The following PANK1 variants were observed in gnomAD, a reference collection of about 807,000 sequenced individuals.
The protein encoded by PANK1 is pantothenate kinase 1, also known as pantothenic acid kinase 1.
A neutral mutation model predicts 40.1 loss-of-function variants in PANK1; 18 were observed. That is an observed-to-expected ratio of 0.45 (90% confidence interval 0.31 to 0.67). The LOEUF (loss-of-function observed/expected upper bound fraction) is 0.67. Among genes scored for constraint, PANK1 ranks in the 30% least tolerant of loss-of-function variants. The pLI is 0.06. For missense variants in PANK1, 457 were observed against 599.6 expected (o/e 0.76, Z 2.48); for synonymous variants, 242 against 237.7 (o/e 1.02, Z -0.17).
At position 89,645,215 on chromosome 10, in the gene PANK1, C is replaced by G; in HGVS notation, c.-324G>C. The G allele has an allele frequency of 6.3e-7, 1 of 1,599,202 alleles. No homozygotes were observed. ...CCCTGATCCCCAGGCCGCGCGACTT[C>G]AAACGCGGCTTCCTCGCCTCCCAGA... On this transcript the variant is annotated 5_prime_UTR_variant, in exon 1 of 7. Coordinates refer to ENST00000307534, the MANE Select transcript of PANK1 (RefSeq NM_148977.3).
At chr10:89,636,474 T>C (rs956479159) in intron 1 of PANK1, among the ~76,000 whole-genome samples, 1 of 151,892 alleles carries the variant, frequency 6.6e-6, no homozygotes, top group Non-Finnish European at 1.5e-5. Flanking sequence ...TTTTTTGAGA[T>C]GGAGTCTTAC....
intron 1 of PANK1, among the ~76,000 whole-genome samples, chr10:89,621,822 T>G (rs1335430871): frequency 6.6e-6 from 1 of 152,246 alleles, no homozygotes; most frequent in East Asian, 1.9e-4. Context: ...CAAGCAATTC[T>G]CCTGTCTCAG....
At chr10:89,644,167 C>A (rs960159391) in intron 1 of PANK1, among the ~76,000 whole-genome samples, 4 of 152,060 alleles carry the variant, frequency 2.6e-5, no homozygotes. Flanking sequence ...GGGCAGGCAA[C>A]CCCAGTAGGA....
intron 2 of PANK1, among the ~76,000 whole-genome samples, chr10:89,606,016 T>C (rs1320395235): frequency 1.3e-5 from 2 of 152,226 alleles, no homozygotes; most frequent in Non-Finnish European, 2.9e-5. Context: ...AGTAAAACTT[T>C]GAAAAGATTT....
chr10:89,605,270 C>T (rs541114193), intron 2 of PANK1, among the ~76,000 whole-genome samples: 23 of 152,160 alleles, frequency 1.5e-4, no homozygotes, highest in Middle Eastern at 3.4e-3. Flanking sequence ...TGAAGTTTGC[C>T]GCATTGGTTG....
In PANK1 at chr10:89,589,614, T is replaced by C. The variant is rs114837655; in HGVS notation, c.1201-837A>G. Among the ~76,000 whole-genome samples, 655 of 152,270 alleles carry C rather than the reference T, an allele frequency of 4.3e-3. 2 individuals carry two copies. Among genetic ancestry groups the C allele is most frequent in the African/African-American group, 0.014 (596 of 41,536 alleles). Reference sequence around the variant, plus strand: ...AAGGCAAGAGAGTCTTTGAAGCTGGTATTATTTTCTGCTTAGTCTATCAAG... The same window carrying C: ...AAGGCAAGAGAGTCTTTGAAGCTGGCATTATTTTCTGCTTAGTCTATCAAG... On this transcript the variant is annotated intron_variant, in intron 5 of 6. Transcript: ENST00000307534.
intron 1 of PANK1, among the ~76,000 whole-genome samples, chr10:89,620,528 C>T (rs531056848): frequency 1.3e-5 from 2 of 152,216 alleles, no homozygotes; most frequent in Non-Finnish European, 2.9e-5. Context: ...CTAGTCAGAC[C>T]TGTTGTCTGC....
intron 3 of PANK1, among the ~76,000 whole-genome samples, chr10:89,596,248 T>G (rs945750223): frequency 2.6e-4 from 40 of 152,198 alleles, no homozygotes; most frequent in African/African-American, 8.0e-4. Flanking sequence ...TTCTAGCTTC[T>G]AAATATCTGT....
chr10:89,628,809 T>C (rs1040100147), intron 1 of PANK1, among the ~76,000 whole-genome samples: 3 of 152,234 alleles, frequency 2.0e-5, no homozygotes, highest in Non-Finnish European at 4.4e-5. Flanking sequence ...TGAATGAAAT[T>C]TGAGGTCTTC....
intron 1 of PANK1, among the ~76,000 whole-genome samples, chr10:89,619,851 C>T (rs1188157201): frequency 6.6e-6 from 1 of 152,188 alleles, no homozygotes; most frequent in Non-Finnish European, 1.5e-5. Context: ...AGAAAAAAAG[C>T]TTTAAACACT....
At position 89,642,506 on chromosome 10, in the gene PANK1, TG is replaced by T. The variant is rs1841998191; in HGVS notation, c.292+2093del. Among the ~76,000 whole-genome samples, 5 of 152,350 alleles carry T rather than the reference TG, an allele frequency of 3.3e-5. No individual in the cohort carries two copies. The South Asian group carries it at 1.0e-3, about 32-fold the overall frequency. Reference sequence around the variant, plus strand: ...GCGTTTAAAGCACACAACTACTCTTTGCAAAAATCGTTCCTGTAAAATCTGT... The same window carrying T: ...GCGTTTAAAGCACACAACTACTCTTTCAAAAATCGTTCCTGTAAAATCTGT... On this transcript the variant is annotated intron_variant, in intron 1 of 6. Coordinates refer to ENST00000307534, the MANE Select transcript of PANK1 (RefSeq NM_148977.3).
chr10:89,592,938 T>C, intron 5 of PANK1: 1 of 534,824 alleles, frequency 1.9e-6, no homozygotes, highest in Non-Finnish European at 3.5e-6. Context: ...TTAGAGAGAC[T>C]ATGACATGGG....
intron 4 of PANK1, 147 bp from the exon 5 acceptor site, chr10:89,593,467 T>C: frequency 1.1e-6 from 1 of 879,934 alleles, no homozygotes; most frequent in Non-Finnish European, 1.7e-6. Context: ...CAGACAGAAT[T>C]ATAGTATGCA....
At chr10:89,608,745 G>T (rs1346126156) in intron 2 of PANK1, among the ~76,000 whole-genome samples, 1 of 152,106 alleles carries the variant, frequency 6.6e-6, no homozygotes, top group African/African-American at 2.4e-5. Context: ...GGACTTTATA[G>T]GTATGTAGAT....
chr10:89,593,118 A>T (rs766636858), intron 5 of PANK1, 79 bp downstream of exon 5: 1 of 1,380,916 alleles, frequency 7.2e-7, no homozygotes, highest in Non-Finnish European at 1.0e-6. Flanking sequence ...GTAGTTGTGT[A>T]AGAGTCAACA....
In PANK1 at chr10:89,584,291, C is replaced by T. The variant is rs944662917; in HGVS notation, c.*115G>A. On this transcript the variant is annotated 3_prime_UTR_variant, in exon 7 of 7. Coordinates refer to ENST00000307534, the MANE Select transcript of PANK1 (RefSeq NM_148977.3). ...GATTTTAAATTATTTACAAATCCAG[C>T]AGGTTCATCTGCCATAATGGCTTGG... The T allele has an allele frequency of 8.9e-6, 6 of 673,272 alleles. No individual in the cohort carries two copies. The highest frequency in any genetic ancestry group is 1.6e-5 in the Non-Finnish European group (6 of 365,520). The allele number at this position is 673,272 out of a possible 1,614,324, so 41.7% of individuals were successfully genotyped here.
At chr10:89,616,869 C>T (rs1156228374) in intron 1 of PANK1, among the ~76,000 whole-genome samples, 5 of 151,626 alleles carry the variant, frequency 3.3e-5, no homozygotes, top group South Asian at 2.1e-4. Flanking sequence ...TGCAGTGAGC[C>T]GAGATCACTC....
At chr10:89,612,708 A>G (rs1845198976) in intron 1 of PANK1, among the ~76,000 whole-genome samples, 1 of 152,336 alleles carries the variant, frequency 6.6e-6, no homozygotes, top group South Asian at 2.1e-4. Context: ...CATTATATCT[A>G]ATTTATTTCT....
chr10:89,621,785 C>G (rs983601058), intron 1 of PANK1, among the ~76,000 whole-genome samples: 4 of 152,234 alleles, frequency 2.6e-5, no homozygotes, highest in African/African-American at 9.6e-5. Context: ...ACAATCTCGG[C>G]TCACTGCAAC....
Sources: gnomAD v4.1 joint callset for allele counts (sites outside exome capture counted in the v4.1 genomes callset) on GRCh38, gnomAD v4.1.1 for gene constraint, MANE v1.5 for transcripts, NCBI Gene and HGNC (gene_info 2026-07-23, HGNC 2026-07-21) for gene names.